The following RSF1 variants were observed in gnomAD, a reference collection of about 807,000 sequenced individuals.
The protein encoded by RSF1 is HBV pX-associated protein 8.
In RSF1, 13 loss-of-function variants were observed where a neutral mutation model predicts 145.2. That is an observed-to-expected ratio of 0.09 (90% CI 0.06 to 0.14). The LOEUF is 0.14. RSF1 is among the 10% of genes least tolerant of loss of function. RSF1 has a pLI of 1.00. For missense variants in RSF1, 1,517 were observed against 1,718.2 expected (o/e 0.88, Z 2.07); for synonymous variants, 577 against 592.6 (o/e 0.97, Z 0.38).
At chr11:77,799,104 A>G (rs1948602077) in intron 1 of RSF1, among the ~76,000 whole-genome samples, 1 of 152,130 alleles carries the variant, frequency 6.6e-6, no homozygotes, top group African/African-American at 2.4e-5. Flanking sequence ...TGAATGGGGG[A>G]AAATATTTAC....
chr11:77,762,830 C>T (rs1486985864), intron 2 of RSF1: 1 of 152,070 alleles, frequency 6.6e-6, no homozygotes, highest in Non-Finnish European at 1.5e-5. Context: ...AAAGAAACAG[C>T]TTTCAGTAAT....
intron 1 of RSF1, among the ~76,000 whole-genome samples, chr11:77,777,485 T>C (rs1285901156): frequency 6.6e-6 from 1 of 151,982 alleles, no homozygotes; most frequent in Non-Finnish European, 1.5e-5. Flanking sequence ...CTCAGCTACT[T>C]GGGAGGCTGA....
chr11:77,831,478 C>G, the RSF1 span, among the ~76,000 whole-genome samples: 7 of 152,262 alleles, frequency 4.6e-5, no homozygotes, highest in African/African-American at 1.4e-4. Context: ...TCTTTGGCTA[C>G]TCCTTGAAAT....
At chr11:77,746,680 C>G (rs954079955) in intron 3 of RSF1, among the ~76,000 whole-genome samples, 3 of 152,062 alleles carry the variant, frequency 2.0e-5, no homozygotes, top group Non-Finnish European at 4.4e-5. Flanking sequence ...ATGACATGCT[C>G]CTAGTCATCC....
chr11:77,667,718 T>TA (rs1314483503), intron 15 of RSF1, among the ~76,000 whole-genome samples: 2 of 152,184 alleles, frequency 1.3e-5, no homozygotes, highest in Non-Finnish European at 2.9e-5. Context: ...TCTTTTTTTT[T>TA]ATTGAGACAG....
At chr11:77,793,277 C>T (rs1484941123) in intron 1 of RSF1, among the ~76,000 whole-genome samples, 1 of 152,036 alleles carries the variant, frequency 6.6e-6, no homozygotes, top group East Asian at 1.9e-4. Flanking sequence ...GTCAGGAGTT[C>T]GAAACCAGCC....
chr11:77,817,957 G>T (rs1948797702), intron 1 of RSF1, among the ~76,000 whole-genome samples: 1 of 152,146 alleles, frequency 6.6e-6, no homozygotes. Context: ...TCAAAGTTCT[G>T]AAAATCGTTT....
intron 5 of RSF1, among the ~76,000 whole-genome samples, chr11:77,715,581 G>C (rs1960788768): frequency 6.6e-6 from 1 of 152,098 alleles, no homozygotes; most frequent in Admixed American, 6.6e-5. Context: ...CCAAGTAGCT[G>C]GGATTACAGG....
chr11:77,672,619 T>C (rs1202690007), intron 14 of RSF1, among the ~76,000 whole-genome samples: 1 of 152,182 alleles, frequency 6.6e-6, no homozygotes, highest in East Asian at 1.9e-4. Context: ...AGGTTTTTAA[T>C]GCCAAACCTC....
intron 11 of RSF1, among the ~76,000 whole-genome samples, chr11:77,681,937 T>A (rs1031090261): frequency 1.3e-5 from 2 of 152,204 alleles, no homozygotes; most frequent in Non-Finnish European, 2.9e-5. Flanking sequence ...TAAATTCCTA[T>A]CTTTTTTAAT....
chr11:77,836,905 C>T, the RSF1 span, among the ~76,000 whole-genome samples: 11 of 151,938 alleles, frequency 7.2e-5, no homozygotes, highest in Non-Finnish European at 1.5e-4. Context: ...GCGGAGGTTG[C>T]GGTGAGCCAA....
chr11:77,672,182 C>A lies in RSF1; in HGVS notation c.3611G>T (p.Arg1204Leu). ...DFSDDFVETR[R>L]RRSRRNQKRQ... The stretch of plus-strand genomic sequence containing the variant: ...TTTCTGATTTCTCCTTGACCGCCTT[C>A]GCCGAGTTTCTACAAAATCATCACT... Residue 1204 changes from arginine (R) to leucine (L), a missense_variant, in exon 15 of 16, where the codon CGA (arginine) becomes CTA (leucine). Transcript: ENST00000308488. 6.2e-7 allele frequency: 1 copy of A among 1,611,230 alleles called. No individual in the cohort carries two copies.
chr11:77,863,308 G>A, the RSF1 span, among the ~76,000 whole-genome samples: 12 of 152,192 alleles, frequency 7.9e-5, no homozygotes, highest in African/African-American at 1.7e-4. Context: ...TGCCGGATCC[G>A]GAGGGATGGA....
the RSF1 span, among the ~76,000 whole-genome samples, chr11:77,867,664 A>G: frequency 2.0e-4 from 31 of 152,224 alleles, no homozygotes; most frequent in African/African-American, 7.0e-4. Context: ...GTGCAGAAAC[A>G]TAACAGGTGG....
At position 77,800,385 on chromosome 11, in the gene RSF1, G is replaced by A. The variant is rs190846690; in HGVS notation, c.187+20143C>T. On this transcript the variant is annotated intron_variant, in intron 1 of 15. Transcript: ENST00000308488. ...CACACACCTGTAATCCCAGCTTTGC[G>A]GGAGGCTGAGGCAGGAGAATCATTT... is the stretch of plus-strand genomic sequence containing the variant. 5.5e-4 allele frequency among the ~76,000 whole-genome samples: 83 copies of A among 152,022 alleles called. 2 individuals are homozygous for A. The highest frequency in any genetic ancestry group is 3.6e-4 in the African/African-American group (15 of 41,476).
At chr11:77,710,160 A>T (rs1263796831) in intron 5 of RSF1, among the ~76,000 whole-genome samples, 4 of 147,866 alleles carry the variant, frequency 2.7e-5, no homozygotes, top group South Asian at 4.2e-4. Context: ...TTTTTAAATT[A>T]AAAAAAAATT....
intron 14 of RSF1, among the ~76,000 whole-genome samples, chr11:77,674,833 C>T (rs978307110): frequency 6.6e-6 from 1 of 152,146 alleles, no homozygotes; most frequent in Non-Finnish European, 1.5e-5. Context: ...AACTCCCTCT[C>T]TACTAAAAAT....
intron 1 of RSF1, among the ~76,000 whole-genome samples, chr11:77,785,925 C>CAAAAAAA (rs10661397): frequency 8.1e-5 from 3 of 37,140 alleles, no homozygotes; most frequent in East Asian, 1.1e-3. Context: ...GATTCTGTCT[C>CAAAAAAA]AAAAAAAAAA....
At chr11:77,747,411 G>C (rs924413434) in intron 2 of RSF1, among the ~76,000 whole-genome samples, 2 of 152,170 alleles carry the variant, frequency 1.3e-5, no homozygotes, top group African/African-American at 2.4e-5. Context: ...CCGCATGAGA[G>C]TAATTGTTTG....
Sources: allele counts gnomAD v4.1 joint callset (sites outside exome capture counted in the v4.1 genomes callset), GRCh38; gene constraint gnomAD v4.1.1; transcripts MANE v1.5; gene names NCBI Gene and HGNC (gene_info 2026-07-23, HGNC 2026-07-21).